Variants in MOB3B observed in about 807,000 individuals in gnomAD.
MOB3B encodes the protein MOB kinase activator-like 2B.
In MOB3B, 7 loss-of-function variants were observed where a neutral mutation model predicts 18.7. The ratio of observed to expected loss-of-function variants is 0.37; its 90% CI spans 0.21 to 0.70. The LOEUF (loss-of-function observed/expected upper bound fraction) is 0.70. Among genes scored for constraint, MOB3B ranks in the 30% least tolerant of loss-of-function variants. MOB3B has a pLI of 0.52. For missense variants in MOB3B, 253 were observed against 281.3 expected (o/e 0.90, Z 0.72); for synonymous variants, 111 against 99.9 (o/e 1.11, Z -0.66).
At chr9:27,467,973 G>A (rs990892070) in intron 1 of MOB3B, among the ~76,000 whole-genome samples, 2 of 152,200 alleles carry the variant, frequency 1.3e-5, no homozygotes, top group African/African-American at 4.8e-5. Context: ...TTGTTTATTA[G>A]GGCTCTATTG....
chr9:27,464,890 A>G (rs1360523284), intron 1 of MOB3B, among the ~76,000 whole-genome samples: 1 of 152,140 alleles, frequency 6.6e-6, no homozygotes, highest in Admixed American at 6.5e-5. Flanking sequence ...ACTGGCCCCC[A>G]TGATTCAATT....
At chr9:27,383,032 TG>T (rs1318468170) in intron 2 of MOB3B, among the ~76,000 whole-genome samples, 1 of 152,090 alleles carries the variant, frequency 6.6e-6, no homozygotes. Context: ...GAAAAGAATG[TG>T]GGGGGAGAAG....
intron 1 of MOB3B, among the ~76,000 whole-genome samples, chr9:27,495,164 A>G (rs1819877497): frequency 6.6e-6 from 1 of 151,988 alleles, no homozygotes; most frequent in Non-Finnish European, 1.5e-5. Flanking sequence ...CCTTGTCTCT[A>G]CAAGTGATTT....
At chr9:27,529,520 C>T (rs1452830533) in intron 1 of MOB3B, 35 bp downstream of exon 1, 1 of 981,970 alleles carries the variant, frequency 1.0e-6, no homozygotes, top group Non-Finnish European at 1.2e-6. Flanking sequence ...CCGGGCTGCG[C>T]CGCCTCCCCT....
chr9:27,469,070 AG>A (rs147089805), intron 1 of MOB3B, among the ~76,000 whole-genome samples: 1,899 of 152,346 alleles, frequency 0.012, 27 homozygotes, highest in Middle Eastern at 0.041. Context: ...TTAAAAAATA[AG>A]TTTTAAAAAT....
At chr9:27,370,054 A>G (rs1439370290) in intron 2 of MOB3B, among the ~76,000 whole-genome samples, 3 of 150,922 alleles carry the variant, frequency 2.0e-5, no homozygotes, top group African/African-American at 7.3e-5. Flanking sequence ...GTGGTTCTCC[A>G]TATGTAATTA....
intron 1 of MOB3B, among the ~76,000 whole-genome samples, chr9:27,488,512 A>G (rs1034183544): frequency 2.0e-5 from 3 of 152,164 alleles, no homozygotes; most frequent in African/African-American, 7.2e-5. Context: ...GGTTCAAACA[A>G]TTCTCCTGCC....
At chr9:27,426,694 G>A (rs569177107) in intron 2 of MOB3B, among the ~76,000 whole-genome samples, 4 of 152,086 alleles carry the variant, frequency 2.6e-5, no homozygotes, top group Admixed American at 6.5e-5. Flanking sequence ...CCCCCTGCCC[G>A]ACTCAGAATC....
At chr9:27,432,127 G>C (rs1215754188) in intron 2 of MOB3B, among the ~76,000 whole-genome samples, 1 of 152,154 alleles carries the variant, frequency 6.6e-6, no homozygotes, top group Non-Finnish European at 1.5e-5. Flanking sequence ...AGGGAAGAAG[G>C]CTATCTATTA....
chr9:27,406,427 G>A (rs147933440), intron 2 of MOB3B, among the ~76,000 whole-genome samples: 10 of 152,136 alleles, frequency 6.6e-5, no homozygotes, highest in Admixed American at 1.3e-4. Context: ...TGGAATAGCC[G>A]AAGCAATCCT....
intron 1 of MOB3B, among the ~76,000 whole-genome samples, chr9:27,511,296 T>C (rs1266408903): frequency 2.0e-5 from 3 of 151,848 alleles, no homozygotes; most frequent in African/African-American, 7.3e-5. Context: ...TAATAGAAAA[T>C]CAGGCAGCCT....
chr9:27,396,018 T>C (rs2131387060), intron 2 of MOB3B, among the ~76,000 whole-genome samples: 1 of 152,270 alleles, frequency 6.6e-6, no homozygotes, highest in Non-Finnish European at 1.5e-5. Flanking sequence ...TGTTACCTTT[T>C]TTGGATACTG....
chr9:27,380,262 ATTTT>A (rs551179750), intron 2 of MOB3B, among the ~76,000 whole-genome samples: 25,296 of 135,230 alleles, frequency 0.19, 2,278 homozygotes, highest in East Asian at 0.21. Context: ...AAGAGATAGG[ATTTT>A]TTTTTTTTTT....
chr9:27,494,057 G>T (rs768428006), intron 1 of MOB3B, among the ~76,000 whole-genome samples: 1 of 152,170 alleles, frequency 6.6e-6, no homozygotes, highest in East Asian at 1.9e-4. Flanking sequence ...AGGTGCACCT[G>T]TCTCTTATGG....
At chr9:27,436,970 A>T (rs1253155746) in intron 2 of MOB3B, among the ~76,000 whole-genome samples, 1 of 80,058 alleles carries the variant, frequency 1.2e-5, no homozygotes, top group Non-Finnish European at 2.4e-5. Flanking sequence ...GCTCGGGGAA[A>T]GGGAGTAGGG....
intron 1 of MOB3B, among the ~76,000 whole-genome samples, chr9:27,481,198 A>G (rs543516220): frequency 6.6e-6 from 1 of 152,358 alleles, no homozygotes; most frequent in South Asian, 2.1e-4. Flanking sequence ...AAAAAAGGCG[A>G]GAAGAAACAT....
intron 1 of MOB3B, among the ~76,000 whole-genome samples, chr9:27,493,203 CAGGGACCCCAAACGG>C (rs111513664): frequency 2.6e-5 from 4 of 152,244 alleles, no homozygotes; most frequent in African/African-American, 9.6e-5. Flanking sequence ...TGTGGGAAGT[CAGGGACCCCAAACGG>C]AGGGACCGGC....
At chr9:27,467,266 T>C (rs1819399089) in intron 1 of MOB3B, among the ~76,000 whole-genome samples, 1 of 152,204 alleles carries the variant, frequency 6.6e-6, no homozygotes, top group South Asian at 2.1e-4. Flanking sequence ...CAGTTACCCT[T>C]GTGGGCTAAA....
chr9:27,455,036 T>C, intron 2 of MOB3B, 97 bp downstream of exon 2: 3 of 1,296,436 alleles, frequency 2.3e-6, no homozygotes, highest in Non-Finnish European at 3.3e-6. Flanking sequence ...ATGGGATTAA[T>C]GCATGGGTGC....
Sources: gnomAD v4.1 joint callset for allele counts (sites outside exome capture counted in the v4.1 genomes callset) on GRCh38, gnomAD v4.1.1 for gene constraint, MANE v1.5 for transcripts, NCBI Gene and HGNC (gene_info 2026-07-23, HGNC 2026-07-21) for gene names.